CDH18: variants seen among roughly 807,000 people sequenced by gnomAD.
The protein encoded by CDH18 is cadherin-18.
A neutral mutation model predicts 67.9 loss-of-function variants in CDH18; 31 were observed. The ratio of observed to expected loss-of-function variants is 0.46; its 90% CI spans 0.34 to 0.62. The LOEUF is 0.62. Ranked by LOEUF, CDH18 falls within the 20% of genes least tolerant of loss-of-function variation. The pLI, the probability that CDH18 is intolerant of heterozygous loss-of-function variation, is 0.01. For missense variants in CDH18, 890 were observed against 975.5 expected (o/e 0.91, Z 1.17); for synonymous variants, 362 against 347.2 (o/e 1.04, Z -0.48).
intron 2 of CDH18, among the ~76,000 whole-genome samples, chr5:20,178,804 A>G (rs2126676316): frequency 6.6e-6 from 1 of 152,258 alleles, no homozygotes; most frequent in South Asian, 2.1e-4. Context: ...CCCTTCACGG[A>G]TGAGACCATG....
At chr5:20,013,373 G>A (rs911346369) in intron 2 of CDH18, among the ~76,000 whole-genome samples, 1 of 152,004 alleles carries the variant, frequency 6.6e-6, no homozygotes. Context: ...TTTAAGGACA[G>A]GTTATATTGA....
chr5:20,102,067 T>G (rs1269133979), intron 2 of CDH18, among the ~76,000 whole-genome samples: 2 of 152,116 alleles, frequency 1.3e-5, no homozygotes, highest in African/African-American at 4.8e-5. Context: ...TGAGATGCTG[T>G]CTCGGAAAAA....
At chr5:19,944,526 T>G (rs1795115195) in intron 2 of CDH18, among the ~76,000 whole-genome samples, 1 of 152,166 alleles carries the variant, frequency 6.6e-6, no homozygotes, top group Non-Finnish European at 1.5e-5. Flanking sequence ...ATATTGCACA[T>G]GCCTGGAGAA....
intron 2 of CDH18, among the ~76,000 whole-genome samples, chr5:20,074,349 C>G: frequency 6.6e-6 from 1 of 152,046 alleles, no homozygotes. Context: ...CGGGATGGCA[C>G]TTATACACAA....
chr5:20,098,630 C>A (rs553827094), intron 2 of CDH18, among the ~76,000 whole-genome samples: 2 of 152,116 alleles, frequency 1.3e-5, no homozygotes, highest in African/African-American at 4.8e-5. Flanking sequence ...AATTTATTGT[C>A]ATTTTCAATT....
At position 20,172,242 on chromosome 5, in the gene CDH18, A is replaced by ATATATGTATATATATATATGTGTG. The variant is rs1736881771; in HGVS notation, c.-518+83201_-518+83202insCACACATATATATATATACATATA. 7.3e-3 allele frequency among the ~76,000 whole-genome samples: 414 copies of ATATATGTATATATATATATGTGTG among 56,704 alleles called. 19 individuals carry two copies. Among genetic ancestry groups the ATATATGTATATATATATATGTGTG allele is most frequent in the Middle Eastern group, 0.015 (1 of 66 alleles). 37.2% of individuals were successfully genotyped at this position (56,704 alleles called of 152,430 possible). On this transcript the variant is annotated intron_variant, in intron 2 of 14. Transcript: ENST00000507958. ...TATATATGTATATATATATATATGT[A>ATATATGTATATATATATATGTGTG]TATATATATATATATCTCCTCTCTG... is the stretch of plus-strand genomic sequence containing the variant.
At chr5:19,889,893 T>C (rs1259857160) in intron 2 of CDH18, among the ~76,000 whole-genome samples, 2 of 152,132 alleles carry the variant, frequency 1.3e-5, no homozygotes, top group East Asian at 1.9e-4. Flanking sequence ...TGCGATATCA[T>C]ATAAATATGT....
intron 2 of CDH18, among the ~76,000 whole-genome samples, chr5:20,203,600 A>AGAGAGAGAGAGAGAGAGAGAGAG (rs1561874364): frequency 6.6e-6 from 1 of 150,656 alleles, no homozygotes; most frequent in African/African-American, 2.5e-5. Context: ...AGAGAGAGAG[A>AGAGAGAGAGAGAGAGAGAGAGAG]AATTCAACAG....
chr5:19,912,418 G>A (rs1791254269), intron 2 of CDH18, among the ~76,000 whole-genome samples: 1 of 152,210 alleles, frequency 6.6e-6, no homozygotes, highest in Admixed American at 6.5e-5. Flanking sequence ...CAGAATCACT[G>A]TATTGGAGCA....
At chr5:20,291,696 T>A (rs1464471357) in intron 1 of CDH18, among the ~76,000 whole-genome samples, 2 of 152,090 alleles carry the variant, frequency 1.3e-5, no homozygotes, top group Admixed American at 1.3e-4. Context: ...TTTAAACAGG[T>A]TTACTCAAGG....
intron 1 of CDH18, among the ~76,000 whole-genome samples, chr5:20,518,463 A>G (rs1361522271): frequency 6.6e-6 from 1 of 152,126 alleles, no homozygotes; most frequent in African/African-American, 2.4e-5. Flanking sequence ...TCCTCTCTGA[A>G]CTTGACTTCT....
intron 1 of CDH18, among the ~76,000 whole-genome samples, chr5:20,381,324 G>A (rs1242150648): frequency 1.3e-5 from 2 of 152,036 alleles, no homozygotes; most frequent in Non-Finnish European, 2.9e-5. Context: ...CTATCAAAAG[G>A]TTGGAGGAAG....
chr5:20,561,807 G>A (rs754374933), intron 1 of CDH18, among the ~76,000 whole-genome samples: 2 of 151,724 alleles, frequency 1.3e-5, no homozygotes, highest in Non-Finnish European at 2.9e-5. Flanking sequence ...ATAATTCCAG[G>A]TTCATGATTG....
chr5:20,327,872 T>C (rs1041509226), intron 1 of CDH18, among the ~76,000 whole-genome samples: 2 of 151,880 alleles, frequency 1.3e-5, no homozygotes, highest in East Asian at 1.9e-4. Context: ...ACCCTGTCTC[T>C]ACAAAAATAA....
chr5:20,171,664 G>A (rs1300196948), intron 2 of CDH18, among the ~76,000 whole-genome samples: 1 of 151,786 alleles, frequency 6.6e-6, no homozygotes, highest in East Asian at 1.9e-4. Context: ...CTTTCTGTAG[G>A]TTGCTTGTTT....
At chr5:20,216,528 ACTT>A (rs1394185915) in intron 2 of CDH18, among the ~76,000 whole-genome samples, 1 of 151,904 alleles carries the variant, frequency 6.6e-6, no homozygotes, top group Non-Finnish European at 1.5e-5. Context: ...TCAACAAATT[ACTT>A]CTTCTTCATT....
At chr5:20,570,173 T>C (rs933883903) in intron 1 of CDH18, among the ~76,000 whole-genome samples, 1 of 152,178 alleles carries the variant, frequency 6.6e-6, no homozygotes, top group African/African-American at 2.4e-5. Context: ...ATATAAACTA[T>C]GAACTTAAGT....
intron 1 of CDH18, among the ~76,000 whole-genome samples, chr5:20,314,310 T>G (rs2149995090): frequency 6.6e-6 from 1 of 152,098 alleles, no homozygotes; most frequent in East Asian, 1.9e-4. Flanking sequence ...CTAAAGAAAA[T>G]AATAACCAAG....
At chr5:20,564,142 C>A (rs1452558330) in intron 1 of CDH18, among the ~76,000 whole-genome samples, 3 of 152,042 alleles carry the variant, frequency 2.0e-5, no homozygotes, top group African/African-American at 7.2e-5. Flanking sequence ...AGGGCCCATA[C>A]TTCCTGCTTC....
Sources: gnomAD v4.1 joint callset for allele counts (sites outside exome capture counted in the v4.1 genomes callset) on GRCh38, gnomAD v4.1.1 for gene constraint, MANE v1.5 for transcripts, NCBI Gene and HGNC (gene_info 2026-07-23, HGNC 2026-07-21) for gene names.